SCMH1: variants seen among roughly 807,000 people sequenced by gnomAD.
The protein encoded by SCMH1 is polycomb protein SCMH1.
Under a neutral mutation model 70.8 loss-of-function variants are expected in SCMH1, and 37 were observed. That is an observed-to-expected ratio of 0.52 (90% CI 0.40 to 0.69). The LOEUF (loss-of-function observed/expected upper bound fraction) is 0.69, where lower values mean the gene tolerates loss of function less well. SCMH1 is among the 30% of genes least tolerant of loss of function. The pLI, the probability that SCMH1 is intolerant of heterozygous loss-of-function variation, is 0.00. For missense variants in SCMH1, 607 were observed against 827.3 expected (o/e 0.73, Z 3.27); for synonymous variants, 292 against 307.4 (o/e 0.95, Z 0.52).
exon 12 of SCMH1, chr1:41,046,584 C>T: frequency 6.2e-7 from 1 of 1,614,028 alleles, no homozygotes; most frequent in Non-Finnish European, 8.5e-7. Context: ...GTATGCTGTT[C>T]CCGGTCAAAC....
chr1:41,196,850 CAAG>C (rs944634973), intron 1 of SCMH1, among the ~76,000 whole-genome samples: 5 of 152,012 alleles, frequency 3.3e-5, no homozygotes, highest in Non-Finnish European at 5.9e-5. Flanking sequence ...AATTCAACAA[CAAG>C]AAGAACTAAA....
chr1:41,217,221 T>C (rs143777552), intron 1 of SCMH1, among the ~76,000 whole-genome samples: 4 of 152,280 alleles, frequency 2.6e-5, no homozygotes, highest in Admixed American at 6.5e-5. Flanking sequence ...ATCCTTGTTA[T>C]GTAGCAGCAG....
chr1:41,101,686 TG>T (rs1253985626), intron 8 of SCMH1, among the ~76,000 whole-genome samples: 2 of 152,216 alleles, frequency 1.3e-5, no homozygotes, highest in African/African-American at 4.8e-5. Flanking sequence ...CCAAGTCCGC[TG>T]TTTTTTTCAA....
In SCMH1 at chr1:41,194,554, G is replaced by C. The variant is rs1162838216; in HGVS notation, c.-117-8304C>G. On this transcript the variant is annotated intron_variant, in intron 1 of 14. Transcript: ENST00000337495. Reference sequence around the variant, plus strand: ...AATTTGGTTAAGTTTCCAATTTCCAGGATACTTTCCTCAGCTTTATGAGTT... The same window carrying C: ...AATTTGGTTAAGTTTCCAATTTCCACGATACTTTCCTCAGCTTTATGAGTT... Among the ~76,000 whole-genome samples the C allele has an allele frequency of 3.3e-5, 5 of 152,304 alleles. No individual in the cohort carries two copies. In the East Asian group the frequency reaches 9.7e-4, roughly 29 times the overall value.
rs1573275613 is a variant in SCMH1 at position 41,231,737 on chromosome 1, T to G, written c.-118+10322A>C. Among the ~76,000 whole-genome samples the G allele has an allele frequency of 2.6e-5, 4 of 152,138 alleles. No individual in the cohort carries two copies. In the South Asian group the frequency reaches 8.3e-4, roughly 32 times the overall value. On this transcript the variant is annotated intron_variant, in intron 1 of 14. Transcript: ENST00000337495. Reference sequence around the variant, plus strand: ...CAGTTTTGTGGAGTATTAGAAATTTTATAGGCCAGGTGTGGTGGCTCACGC... The same window carrying G: ...CAGTTTTGTGGAGTATTAGAAATTTGATAGGCCAGGTGTGGTGGCTCACGC...
chr1:41,176,586 G>A (rs923108283), intron 2 of SCMH1, among the ~76,000 whole-genome samples: 2 of 152,212 alleles, frequency 1.3e-5, no homozygotes, highest in Non-Finnish European at 2.9e-5. Flanking sequence ...TTAGCAAACG[G>A]CACACCAGGA....
At chr1:41,108,326 C>T (rs952886178) in intron 8 of SCMH1, among the ~76,000 whole-genome samples, 4 of 152,158 alleles carry the variant, frequency 2.6e-5, no homozygotes, top group African/African-American at 9.7e-5. Context: ...TGCTATCAAT[C>T]CACATAGGGA....
chr1:41,055,946 A>G (rs1650108249), intron 10 of SCMH1, among the ~76,000 whole-genome samples: 1 of 152,164 alleles, frequency 6.6e-6, no homozygotes. Context: ...GCAAGAATAA[A>G]TTTTGCAAGT....
chr1:41,048,663 A>G (rs1310079793), intron 11 of SCMH1, 27 bp downstream of exon 11: 5 of 1,605,640 alleles, frequency 3.1e-6, no homozygotes, highest in African/African-American at 2.7e-5. Flanking sequence ...TCTGGCTGGG[A>G]GGCAATATGA....
At chr1:41,233,296 T>C (rs1315230171) in intron 1 of SCMH1, among the ~76,000 whole-genome samples, 2 of 152,196 alleles carry the variant, frequency 1.3e-5, no homozygotes, top group East Asian at 3.8e-4. Context: ...ATGAAATATT[T>C]GGGATTGAAC....
chr1:41,231,411 A>G (rs924472425), intron 1 of SCMH1, among the ~76,000 whole-genome samples: 1 of 152,216 alleles, frequency 6.6e-6, no homozygotes, highest in Non-Finnish European at 1.5e-5. Flanking sequence ...AACTTTTTCT[A>G]TTAGAACAGT....
At chr1:41,180,377 G>A (rs1489757796) in intron 2 of SCMH1, among the ~76,000 whole-genome samples, 3 of 152,132 alleles carry the variant, frequency 2.0e-5, no homozygotes, top group African/African-American at 4.8e-5. Context: ...CAATCAGACA[G>A]GAGAAGGAAA....
intron 12 of SCMH1, among the ~76,000 whole-genome samples, chr1:41,038,534 C>T (rs572570604): frequency 6.6e-6 from 1 of 152,292 alleles, no homozygotes; most frequent in East Asian, 1.9e-4. Context: ...GTTTGGCACA[C>T]AGTAAGGCCT....
At chr1:41,218,861 A>G (rs1658647877) in intron 1 of SCMH1, among the ~76,000 whole-genome samples, 1 of 152,214 alleles carries the variant, frequency 6.6e-6, no homozygotes, top group African/African-American at 2.4e-5. Context: ...TCTTTGTCCC[A>G]GGTTCCTGGC....
intron 13 of SCMH1, among the ~76,000 whole-genome samples, chr1:41,033,356 C>T (rs1476139306): frequency 2.0e-5 from 3 of 151,908 alleles, no homozygotes; most frequent in African/African-American, 7.2e-5. Context: ...ACCAGGGTGG[C>T]AGTGGTAAAA....
chr1:41,048,802 G>A (rs1647145572), exon 11 of SCMH1: 1 of 1,614,192 alleles, frequency 6.2e-7, no homozygotes, highest in East Asian at 2.2e-5. Flanking sequence ...CAGAGGCACG[G>A]GCTGGTCCAA....
At chr1:41,199,499 C>G (rs886887261) in intron 1 of SCMH1, among the ~76,000 whole-genome samples, 3 of 152,100 alleles carry the variant, frequency 2.0e-5, no homozygotes, top group Non-Finnish European at 2.9e-5. Flanking sequence ...ACTTAAAGCA[C>G]CCAACAATTC....
intron 6 of SCMH1, among the ~76,000 whole-genome samples, chr1:41,126,590 T>C (rs1414735603): frequency 1.3e-5 from 2 of 152,204 alleles, no homozygotes; most frequent in African/African-American, 2.4e-5. Context: ...TTTCATATGT[T>C]ATATATGTGT....
At chr1:41,186,302 A>G (rs1650175552) in intron 1 of SCMH1, 52 bp from the exon 2 acceptor site, 1 of 502,944 alleles carries the variant, frequency 2.0e-6, no homozygotes, top group African/African-American at 1.9e-5. Context: ...TTACCTGTAA[A>G]GTACTGAGAT....
Sources: gnomAD v4.1 joint callset for allele counts (sites outside exome capture counted in the v4.1 genomes callset) on GRCh38, gnomAD v4.1.1 for gene constraint, MANE v1.5 for transcripts, NCBI Gene and HGNC (gene_info 2026-07-23, HGNC 2026-07-21) for gene names.